Variants in RREB1 observed in about 807,000 individuals in gnomAD.
The protein encoded by RREB1 is ras responsive element binding protein 1, also known as ras-responsive element-binding protein 1.
Under a neutral mutation model 117.8 loss-of-function variants are expected in RREB1, and 27 were observed. The ratio of observed to expected loss-of-function variants is 0.23; its 90% CI spans 0.17 to 0.32. The LOEUF (loss-of-function observed/expected upper bound fraction) is 0.32, where lower values mean the gene tolerates loss of function less well. Among genes scored for constraint, RREB1 ranks in the 10% least tolerant of loss-of-function variants. The pLI is 1.00. For missense variants in RREB1, 2,577 were observed against 2,378.2 expected, an observed-to-expected ratio of 1.08 and a Z score of -1.74; for synonymous variants, 1,298 against 1,026.7, an observed-to-expected ratio of 1.26 and a Z score of -5.05.
At chr6:7,224,087 A>T (rs1767445221) in intron 8 of RREB1, among the ~76,000 whole-genome samples, 1 of 152,084 alleles carries the variant, frequency 6.6e-6, no homozygotes, top group African/African-American at 2.4e-5. Flanking sequence ...ACCTGTGCAC[A>T]GTTGAATGCC....
intron 11 of RREB1, among the ~76,000 whole-genome samples, chr6:7,243,303 G>A (rs1768823638): frequency 6.6e-6 from 1 of 152,200 alleles, no homozygotes; most frequent in African/African-American, 2.4e-5. Flanking sequence ...TTGTTGAGCT[G>A]ACTAGGGCTG....
intron 1 of RREB1, among the ~76,000 whole-genome samples, chr6:7,127,196 T>G (rs1017817654): frequency 6.7e-6 from 1 of 150,174 alleles, no homozygotes; most frequent in Admixed American, 6.6e-5. Flanking sequence ...GGTGGTGGAG[T>G]CTGTTGTGAG....
chr6:7,114,329 T>G (rs1439462752), intron 1 of RREB1, among the ~76,000 whole-genome samples: 1 of 152,158 alleles, frequency 6.6e-6, no homozygotes, highest in Non-Finnish European at 1.5e-5. Flanking sequence ...ACCATGTTGA[T>G]CAGGGTGAGG....
intron 10 of RREB1, among the ~76,000 whole-genome samples, chr6:7,236,399 T>C (rs1292248802): frequency 6.6e-6 from 1 of 152,132 alleles, no homozygotes; most frequent in African/African-American, 2.4e-5. Context: ...TATCTGGCAG[T>C]GAGGGTCAGA....
rs1360845874 is a variant in RREB1, at chr6:7,248,788, C to T, written c.5049C>T (p.Asp1683=). The change falls in exon 13 of 13, where the codon GAC becomes GAT. Residue 1683 remains aspartate, a synonymous_variant. Transcript: ENST00000379938. Reference sequence around the variant, plus strand: ...AGGGCTTGGCCAGTGCCACCAAGGACTGCAGCCACAGGGAGGAGAAGGTCA... The same window carrying T: ...AGGGCTTGGCCAGTGCCACCAAGGATTGCAGCCACAGGGAGGAGAAGGTCA... ...RKEGLASATK[D]CSHREEKVTA... is the part of the protein sequence containing the mutation. 1.2e-6 allele frequency: 2 copies of T among 1,613,986 alleles called. No homozygotes were observed. Among genetic ancestry groups the T allele is most frequent in the East Asian group, 4.5e-5 (2 of 44,884 alleles).
chr6:7,132,957 A>G (rs1442332780), intron 1 of RREB1, among the ~76,000 whole-genome samples: 4 of 152,214 alleles, frequency 2.6e-5, no homozygotes, highest in African/African-American at 9.7e-5. Context: ...TAATTAATGC[A>G]GTGTTTCTAT....
At chr6:7,137,769 G>C (rs1449479379) in intron 1 of RREB1, among the ~76,000 whole-genome samples, 2 of 152,160 alleles carry the variant, frequency 1.3e-5, no homozygotes, top group South Asian at 4.2e-4. Flanking sequence ...GTCATTTCAC[G>C]GCCGCCTAGC....
At position 7,229,158 on chromosome 6, in the gene RREB1, G is replaced by A; in HGVS notation, c.1059G>A (p.Leu353=). 1 of 1,610,386 alleles carries A rather than the reference G, an allele frequency of 6.2e-7. No homozygotes were observed. Among genetic ancestry groups the A allele is most frequent in the Non-Finnish European group, 8.5e-7 (1 of 1,177,232 alleles). The change falls in exon 10 of 13, where the codon CTG becomes CTA. Residue 353 remains leucine (L), a synonymous_variant. Transcript: ENST00000379938. This position sits in a 1 kb window ranked among gnomAD's most constrained non-coding sequence, Gnocchi z 4.5. The part of the protein sequence containing the change: ...QGQEKPQATP[L]PGDALDQKGF... ...AAGAAAAGCCGCAGGCCACGCCCCT[G>A]CCTGGTGACGCCCTGGACCAGAAGG...
chr6:7,109,566 C>CG (rs1344762628), intron 1 of RREB1, among the ~76,000 whole-genome samples: 1 of 152,164 alleles, frequency 6.6e-6, no homozygotes, highest in Non-Finnish European at 1.5e-5. Flanking sequence ...GGTGCGGGCC[C>CG]GGGCCGCTTG....
At chr6:7,125,359 TG>T (rs2113331157) in intron 1 of RREB1, among the ~76,000 whole-genome samples, 1 of 152,280 alleles carries the variant, frequency 6.6e-6, no homozygotes, top group African/African-American at 2.4e-5. Flanking sequence ...AGAACAGAGA[TG>T]ATCTTTTGCG....
At chr6:7,145,925 C>A (rs560018498) in intron 1 of RREB1, among the ~76,000 whole-genome samples, 2 of 152,032 alleles carry the variant, frequency 1.3e-5, no homozygotes, top group South Asian at 4.1e-4. Flanking sequence ...ACAGAACATA[C>A]CGCAGAACAG....
At position 7,249,322 on chromosome 6, in the gene RREB1, A is replaced by G; in HGVS notation, c.*354A>G. 8.5e-6 allele frequency: 2 copies of G among 234,278 alleles called. No homozygotes were observed. Among genetic ancestry groups the G allele is most frequent in the African/African-American group, 2.2e-5 (1 of 44,514 alleles). 14.5% of individuals were successfully genotyped at this position (234,278 alleles called of 1,614,324 possible). ...CATTTGAGCATTAGCGTTATTTTGT[A>G]TTGGTGTGTGTGAGCTTGTTCTTGT... On this transcript the variant is annotated 3_prime_UTR_variant, in exon 13 of 13. Transcript: ENST00000379938.
intron 1 of RREB1, among the ~76,000 whole-genome samples, chr6:7,162,307 A>C (rs1763712048): frequency 6.6e-6 from 1 of 151,596 alleles, no homozygotes; most frequent in African/African-American, 2.4e-5. Context: ...GCATTGTGAG[A>C]AACTCAGCAA....
intron 4 of RREB1, among the ~76,000 whole-genome samples, chr6:7,186,390 A>G (rs1765083083): frequency 6.6e-6 from 1 of 152,102 alleles, no homozygotes; most frequent in Non-Finnish European, 1.5e-5. Context: ...TACTCCCCCA[A>G]CCCCAGTCCC....
intron 1 of RREB1, among the ~76,000 whole-genome samples, chr6:7,149,312 A>G (rs1329901813): frequency 1.3e-5 from 2 of 152,222 alleles, no homozygotes; most frequent in African/African-American, 2.4e-5. Flanking sequence ...AATGATACCA[A>G]AGATCCCTAG....
At position 7,200,242 on chromosome 6, in the gene RREB1, ATATGTGTGTGTG is replaced by A. The variant is rs1156556446; in HGVS notation, c.426-10560_426-10549del. Among the ~76,000 whole-genome samples the A allele has an allele frequency of 6.7e-5, 7 of 104,448 alleles. No individual in the cohort carries two copies. The East Asian group carries it at 1.5e-3, about 22-fold the overall frequency. The allele number at this position is 104,448 out of a possible 152,430, so 68.5% of individuals were successfully genotyped here. A position where few individuals can be genotyped will look rare whatever the true frequency, so the allele number is the denominator to read the frequency against. On this transcript the variant is annotated intron_variant, in intron 6 of 12. Transcript: ENST00000379938. ...TGTATATATATATATGTATGTGTGT[ATATGTGTGTGTG>A]TGTGTGTGTGTGTGTGTGTGTGTGT...
intron 1 of RREB1, among the ~76,000 whole-genome samples, chr6:7,162,904 A>G (rs1466671757): frequency 6.6e-6 from 1 of 151,726 alleles, no homozygotes; most frequent in Non-Finnish European, 1.5e-5. Flanking sequence ...GCTAGAGTGC[A>G]GTGTCACGGT....
intron 1 of RREB1, among the ~76,000 whole-genome samples, chr6:7,142,916 G>A (rs1762683006): frequency 6.6e-6 from 1 of 152,224 alleles, no homozygotes; most frequent in Non-Finnish European, 1.5e-5. Context: ...TCTCCAGGAG[G>A]TTCTGGTGGA....
intron 1 of RREB1, among the ~76,000 whole-genome samples, chr6:7,136,668 AGAG>A (rs896572273): frequency 3.9e-5 from 6 of 152,236 alleles, no homozygotes; most frequent in African/African-American, 1.4e-4. Context: ...TTTGAACAGA[AGAG>A]GTGATTTTTA....
Sources: gnomAD v4.1 joint callset for allele counts (sites outside exome capture counted in the v4.1 genomes callset) on GRCh38, gnomAD v4.1.1 for gene constraint, Gnocchi (gnomAD v3.1) non-coding constraint, MANE v1.5 for transcripts, NCBI Gene and HGNC (gene_info 2026-07-23, HGNC 2026-07-21) for gene names.